CLHC1: variants seen among roughly 807,000 people sequenced by gnomAD.
CLHC1 encodes the protein clathrin heavy chain linker domain-containing protein 1.
Under a neutral mutation model 69.5 loss-of-function variants are expected in CLHC1, and 72 were observed. The observed-to-expected ratio is 1.04, with a 90% CI of 0.86 to 1.26. The LOEUF (loss-of-function observed/expected upper bound fraction) is 1.26, where lower values mean the gene tolerates loss of function less well. Among genes scored for constraint, CLHC1 ranks in the 50% most tolerant of loss-of-function variants. CLHC1 has a pLI of 0.00. For missense variants in CLHC1, 790 were observed against 679.3 expected, an observed-to-expected ratio of 1.16 and a Z score of -1.81; for synonymous variants, 223 against 224.3, an observed-to-expected ratio of 0.99 and a Z score of 0.05.
rs201825769 is a variant in CLHC1 at position 55,177,629 on chromosome 2, G to T, written c.1537C>A (p.Leu513Ile). Residue 513 changes from leucine to isoleucine, a missense_variant, in exon 12 of 13, where the codon CTT (leucine) becomes ATT (isoleucine). Transcript: ENST00000401408. ...ATCCCACCTTTATTGATTTCTTGAA[G>T]TAGCTTAATGCCAACTTTTTTCATG... ...ADMKKVGIKL[L>I]QEINKGGIDA... 5.6e-6 allele frequency: 9 copies of T among 1,605,170 alleles called. No individual in the cohort carries two copies. In the Admixed American group the frequency reaches 1.5e-4, roughly 27 times the overall value.
chr2:55,208,865 C>CTT (rs142601208), intron 7 of CLHC1, among the ~76,000 whole-genome samples, 155 bp from the exon 8 acceptor site: 21 of 90,834 alleles, frequency 2.3e-4, no homozygotes, highest in South Asian at 4.1e-4. Flanking sequence ...TCCCTTTCCT[C>CTT]TTTTTTTTTT....
chr2:55,191,094 C>CT (rs1385011787), intron 9 of CLHC1, among the ~76,000 whole-genome samples: 3 of 152,012 alleles, frequency 2.0e-5, no homozygotes, highest in Non-Finnish European at 4.4e-5. Context: ...CAGAAAAAGT[C>CT]TATCTAGCAT....
chr2:55,207,232 G>C (rs1194044353), intron 8 of CLHC1, among the ~76,000 whole-genome samples: 1 of 152,152 alleles, frequency 6.6e-6, no homozygotes, highest in Non-Finnish European at 1.5e-5. Flanking sequence ...AAGAAGGAAA[G>C]ATAATAGTTA....
At chr2:55,195,464 T>C (rs755897789) in intron 9 of CLHC1, among the ~76,000 whole-genome samples, 20 of 152,200 alleles carry the variant, frequency 1.3e-4, no homozygotes, top group Non-Finnish European at 2.2e-4. Context: ...GATGACTGAA[T>C]AGAAGCCTCC....
intron 1 of CLHC1, among the ~76,000 whole-genome samples, chr2:55,231,080 T>C (rs955144013): frequency 6.6e-6 from 1 of 151,962 alleles, no homozygotes; most frequent in Non-Finnish European, 1.5e-5. Flanking sequence ...TGAAACCCCA[T>C]CTCTACTAAA....
chr2:55,208,443 G>A (rs1672648818), intron 8 of CLHC1, among the ~76,000 whole-genome samples, 183 bp downstream of exon 8: 1 of 152,028 alleles, frequency 6.6e-6, no homozygotes, highest in Non-Finnish European at 1.5e-5. Flanking sequence ...TTCGGATTTT[G>A]GAGCATTTCA....
Position 55,177,630 on chromosome 2 carries a change from T to C in CLHC1, c.1536A>G (p.Leu512=). Reference sequence around the variant, plus strand: ...TCCCACCTTTATTGATTTCTTGAAGTAGCTTAATGCCAACTTTTTTCATGT... The same window carrying C: ...TCCCACCTTTATTGATTTCTTGAAGCAGCTTAATGCCAACTTTTTTCATGT... ...SADMKKVGIK[L]LQEINKGGID... Residue 512 remains leucine (L), a synonymous_variant, in exon 12 of 13, where the codon CTA becomes CTG. Coordinates refer to ENST00000401408, the MANE Select transcript of CLHC1 (RefSeq NM_152385.4). 6.2e-7 allele frequency: 1 copy of C among 1,606,386 alleles called. No homozygotes were observed. The highest frequency in any genetic ancestry group is 8.5e-7 in the Non-Finnish European group (1 of 1,176,028).
At position 55,222,513 on chromosome 2, in the gene CLHC1, T is replaced by C. The variant is rs1674234040; in HGVS notation, c.-82-20A>G. ...ATAAGCCTGAAAGAAAAAAAGAGCA[T>C]CAATTAATATAATAATTTTTTAACT... is the stretch of plus-strand genomic sequence containing the variant. On this transcript the variant is annotated intron_variant, in intron 2 of 12. Coordinates refer to ENST00000401408, the MANE Select transcript of CLHC1 (RefSeq NM_152385.4). 3.9e-6 allele frequency: 3 copies of C among 768,320 alleles called. No individual in the cohort carries two copies. Among genetic ancestry groups the C allele is most frequent in the African/African-American group, 3.5e-5 (2 of 56,638 alleles). The allele number at this position is 768,320 out of a possible 1,614,324, so 47.6% of individuals were successfully genotyped here. A position where few individuals can be genotyped will look rare whatever the true frequency, so the allele number is the denominator to read the frequency against.
chr2:55,229,760 G>C (rs11125559), intron 1 of CLHC1, among the ~76,000 whole-genome samples: 60,748 of 152,104 alleles, frequency 0.4, 14,204 homozygotes, highest in African/African-American at 0.66. Context: ...AAGAGTGGGA[G>C]AGCTGACTTA....
chr2:55,211,775 T>C (rs1673036109), intron 5 of CLHC1, among the ~76,000 whole-genome samples: 1 of 152,220 alleles, frequency 6.6e-6, no homozygotes, highest in Non-Finnish European at 1.5e-5. Context: ...GTAATTCCTC[T>C]ATCCACTCAT....
intron 4 of CLHC1, among the ~76,000 whole-genome samples, chr2:55,217,552 A>AATACATATATAT (rs1673679194): frequency 9.3e-5 from 4 of 43,156 alleles, no homozygotes; most frequent in African/African-American, 4.8e-4. Context: ...AAAAAAAAAA[A>AATACATATATAT]ATATATATAT....
At chr2:55,217,742 G>A (rs1290045909) in intron 4 of CLHC1, 69 bp downstream of exon 4, 2 of 971,482 alleles carry the variant, frequency 2.1e-6, no homozygotes, top group Non-Finnish European at 2.9e-6. Flanking sequence ...ACCAGCTAGA[G>A]TTACACTGGC....
rs574182824 is a variant in CLHC1, at chr2:55,193,182, G to A, written c.1007-11438C>T. ...GCTGGGATTATAGGCGTGAACCACC[G>A]CGCCTGGACAGATCTCTATGATCTT... On this transcript the variant is annotated intron_variant, in intron 9 of 12. Transcript: ENST00000401408. Among the ~76,000 whole-genome samples, 20 of 152,154 alleles carry A rather than the reference G, an allele frequency of 1.3e-4. No individual in the cohort carries two copies. The East Asian group carries it at 2.5e-3, about 19-fold the overall frequency.
intron 1 of CLHC1, chr2:55,231,958 C>G (rs2028138): frequency 0.98 from 148,570 of 152,310 alleles, 72,504 homozygotes; most frequent in African/African-American, 0.99. Context: ...AGCAGGGAGG[C>G]GCTACAGGAG....
intron 2 of CLHC1, among the ~76,000 whole-genome samples, chr2:55,226,114 C>G (rs1320222994): frequency 6.6e-6 from 1 of 151,092 alleles, no homozygotes; most frequent in Non-Finnish European, 1.5e-5. Context: ...GTGGCGTGAA[C>G]CCGGGAGGCG....
intron 9 of CLHC1, among the ~76,000 whole-genome samples, chr2:55,188,808 A>G (rs1670658272): frequency 1.3e-5 from 2 of 152,228 alleles, no homozygotes. Flanking sequence ...GTTGAGTGAA[A>G]AAAAGACATA....
intron 9 of CLHC1, 141 bp from the exon 10 acceptor site, chr2:55,181,885 G>C: frequency 1.5e-6 from 1 of 668,228 alleles, no homozygotes; most frequent in Non-Finnish European, 2.5e-6. Flanking sequence ...TTTAACTCAT[G>C]CTTATAGATT....
At chr2:55,186,827 G>A (rs952015376) in intron 9 of CLHC1, among the ~76,000 whole-genome samples, 2 of 151,998 alleles carry the variant, frequency 1.3e-5, no homozygotes, top group Admixed American at 1.3e-4. Context: ...AGAAATGGAA[G>A]CCATAATAAA....
At chr2:55,214,739 G>C (rs1483976165) in intron 4 of CLHC1, 1 of 152,162 alleles carries the variant, frequency 6.6e-6, no homozygotes, top group African/African-American at 2.4e-5. Context: ...ACTGAAAGCA[G>C]ATACTTGTAT....
Sources: allele counts gnomAD v4.1 joint callset (sites outside exome capture counted in the v4.1 genomes callset), GRCh38; gene constraint gnomAD v4.1.1; transcripts MANE v1.5; gene names NCBI Gene and HGNC (gene_info 2026-07-23, HGNC 2026-07-21).